Variants in PICALM observed in about 807,000 individuals in gnomAD.
The protein encoded by PICALM is phosphatidylinositol binding clathrin assembly protein.
In PICALM, 40 loss-of-function variants were observed where a neutral mutation model predicts 80.5. That is an observed-to-expected ratio of 0.50 (90% CI 0.39 to 0.65). PICALM has a LOEUF of 0.65. Ranked by LOEUF, PICALM falls within the 30% of genes least tolerant of loss-of-function variation. The pLI is 0.00. For synonymous variants in PICALM, 288 were observed against 260.3 expected, an observed-to-expected ratio of 1.11 and a Z score of -1.02; for missense variants, 676 against 778.9, an observed-to-expected ratio of 0.87 and a Z score of 1.57.
intron 2 of PICALM, among the ~76,000 whole-genome samples, chr11:86,031,023 T>A (rs1218894912): frequency 6.6e-6 from 1 of 152,026 alleles, no homozygotes; most frequent in Non-Finnish European, 1.5e-5. Context: ...GAGGCTGAGG[T>A]GGGAAGGTCC....
At chr11:85,973,865 G>A (rs2094188435) in intron 19 of PICALM, among the ~76,000 whole-genome samples, 1 of 150,452 alleles carries the variant, frequency 6.6e-6, no homozygotes, top group African/African-American at 2.5e-5. Context: ...AAAAGGAGGG[G>A]TGTTCTAACA....
chr11:86,035,947 C>CAAAAAAAAA (rs543040504), intron 1 of PICALM, among the ~76,000 whole-genome samples: 8 of 66,456 alleles, frequency 1.2e-4, no homozygotes, highest in Non-Finnish European at 1.7e-4. Context: ...GACTCTGCCT[C>CAAAAAAAAA]AAAAAAAAAA....
intron 14 of PICALM, among the ~76,000 whole-genome samples, chr11:85,982,399 C>T (rs1232953368): frequency 7.7e-6 from 1 of 130,030 alleles, no homozygotes; most frequent in South Asian, 2.4e-4. Context: ...GTTCCTTTTA[C>T]GTTAAGAAAT....
Position 85,982,003 on chromosome 11 carries a change from C to G in PICALM, c.1517G>C (p.Gly506Ala), listed in dbSNP as rs776160429. The G allele has an allele frequency of 1.9e-6, 3 of 1,613,148 alleles. No individual in the cohort carries two copies. The highest frequency in any genetic ancestry group is 2.5e-6 in the Non-Finnish European group (3 of 1,179,192). ...GAGAAGTCCACCTAGTTCATCAAAG[C>G]CTTAAAGTTACAAACAGACGAAATA... Reference protein sequence around the residue: ...KSTNVIVDSGGFDELGGLLKP... With the variant: ...KSTNVIVDSGAFDELGGLLKP... Residue 506 changes from glycine (G) to alanine (A), a missense_variant and splice_region_variant, in exon 15 of 20, where the codon GGC becomes GCC. Coordinates refer to ENST00000393346, the MANE Select transcript of PICALM (RefSeq NM_007166.4).
At chr11:86,003,557 T>A (rs2095203094) in intron 8 of PICALM, 106 bp from the exon 9 acceptor site, 3 of 554,500 alleles carry the variant, frequency 5.4e-6, no homozygotes, top group Non-Finnish European at 9.2e-6. Context: ...GGTATGTTCT[T>A]CATGTACTAA....
chr11:85,987,778 T>C (rs115394376), intron 13 of PICALM, among the ~76,000 whole-genome samples: 243 of 152,348 alleles, frequency 1.6e-3, no homozygotes, highest in African/African-American at 5.5e-3. Flanking sequence ...GCTCCCGAGA[T>C]GGTTTTTAGT....
rs76315894 is a variant in PICALM at position 86,027,536 on chromosome 11, C to T, written c.274-1169G>A. Among the ~76,000 whole-genome samples the T allele has an allele frequency of 4.0e-5, 6 of 148,920 alleles. No homozygotes were observed. The East Asian group carries it at 1.2e-3, about 29-fold the overall frequency. Reference sequence around the variant, plus strand: ...TTTTTGAGACAGGGTCTCGCTCTGTCATCCAGGCTGGAGTACAGTGGTGTG... The same window carrying T: ...TTTTTGAGACAGGGTCTCGCTCTGTTATCCAGGCTGGAGTACAGTGGTGTG... On this transcript the variant is annotated intron_variant, in intron 2 of 19. Coordinates refer to ENST00000393346, the MANE Select transcript of PICALM (RefSeq NM_007166.4).
intron 1 of PICALM, among the ~76,000 whole-genome samples, chr11:86,033,434 A>T (rs937853668): frequency 6.6e-6 from 1 of 151,734 alleles, no homozygotes; most frequent in Non-Finnish European, 1.5e-5. Context: ...CTCTTATCTC[A>T]GGTGTTTGGT....
At chr11:86,033,174 G>A (rs941260397) in intron 1 of PICALM, among the ~76,000 whole-genome samples, 1 of 152,076 alleles carries the variant, frequency 6.6e-6, no homozygotes, top group Non-Finnish European at 1.5e-5. Flanking sequence ...CTGGCCTATG[G>A]CACTGAACAT....
chr11:85,995,154 T>C (rs926426803), intron 12 of PICALM, among the ~76,000 whole-genome samples: 1 of 152,190 alleles, frequency 6.6e-6, no homozygotes, highest in Non-Finnish European at 1.5e-5. Context: ...CTCTTCAGTA[T>C]CATGCAGAAG....
Position 85,976,605 on chromosome 11 carries a change from A to T in PICALM, c.1839+18T>A, listed in dbSNP as rs1370453570. 2 of 1,505,106 alleles carry T rather than the reference A, an allele frequency of 1.3e-6. No homozygotes were observed. The highest frequency in any genetic ancestry group is 1.4e-5 in the African/African-American group (1 of 72,794). 93.2% of individuals were successfully genotyped at this position (1,505,106 alleles called of 1,614,324 possible). A position where few individuals can be genotyped will look rare whatever the true frequency, so the allele number is the denominator to read the frequency against. Reference sequence around the variant, plus strand: ...AATCAATATTTTTTCCAAAAGCTGTACCTAGGAAAATACTTACAATTCCAT... The same window carrying T: ...AATCAATATTTTTTCCAAAAGCTGTTCCTAGGAAAATACTTACAATTCCAT... On this transcript the variant is annotated intron_variant, in intron 18 of 19. Coordinates refer to ENST00000393346, the MANE Select transcript of PICALM (RefSeq NM_007166.4).
chr11:86,054,198 C>T (rs191197586), intron 1 of PICALM, among the ~76,000 whole-genome samples: 1 of 152,274 alleles, frequency 6.6e-6, no homozygotes, highest in East Asian at 1.9e-4. Context: ...TTTTGGGTGG[C>T]AAGGTATATT....
At chr11:85,969,726 C>A in intron 19 of PICALM, 2 of 358,202 alleles carry the variant, frequency 5.6e-6, no homozygotes, top group Admixed American at 3.3e-5. Flanking sequence ...ACTATGTTGC[C>A]CAGGTTGGTC....
chr11:86,031,398 T>C, intron 2 of PICALM, 71 bp downstream of exon 2: 1 of 1,251,114 alleles, frequency 8.0e-7, no homozygotes, highest in Non-Finnish European at 1.1e-6. Flanking sequence ...GTTTCTGAAG[T>C]TTCAGTGAGA....
chr11:85,962,891 A>G (rs2093736958), intron 19 of PICALM, among the ~76,000 whole-genome samples: 1 of 152,170 alleles, frequency 6.6e-6, no homozygotes, highest in African/African-American at 2.4e-5. Context: ...CCTGGCATCT[A>G]TTCCAAAGCA....
intron 13 of PICALM, among the ~76,000 whole-genome samples, chr11:85,989,051 G>A (rs2094679329): frequency 6.6e-6 from 1 of 152,132 alleles, no homozygotes; most frequent in Non-Finnish European, 1.5e-5. Context: ...AAGCTTCAAT[G>A]AGGACAAGCT....
At chr11:86,056,325 A>G (rs1048155396) in intron 1 of PICALM, among the ~76,000 whole-genome samples, 1 of 149,960 alleles carries the variant, frequency 6.7e-6, no homozygotes, top group Non-Finnish European at 1.5e-5. Context: ...ATACATAAAG[A>G]TCAAATTTTA....
At chr11:86,001,679 T>C (rs1237502003) in intron 9 of PICALM, among the ~76,000 whole-genome samples, 1 of 152,218 alleles carries the variant, frequency 6.6e-6, no homozygotes, top group Non-Finnish European at 1.5e-5. Flanking sequence ...AGAAGACTGG[T>C]TTCAATCTAG....
rs148835521 is a variant in PICALM at position 86,015,571 on chromosome 11, A to G, written c.453-608T>C. ...TTCAATGGACAGCCTTTAATAAAATAGTCTGTTAAATATTTCCAAACAGAT... is the reference window on the plus strand; with the variant it reads ...TTCAATGGACAGCCTTTAATAAAATGGTCTGTTAAATATTTCCAAACAGAT... On this transcript the variant is annotated intron_variant, in intron 4 of 19. Transcript: ENST00000393346. Among the ~76,000 whole-genome samples the G allele has an allele frequency of 2.3e-3, 353 of 152,364 alleles. 2 individuals are homozygous for G. The highest frequency in any genetic ancestry group is 8.2e-3 in the African/African-American group (339 of 41,580).
Sources: allele counts gnomAD v4.1 joint callset (sites outside exome capture counted in the v4.1 genomes callset), GRCh38; gene constraint gnomAD v4.1.1; transcripts MANE v1.5; gene names NCBI Gene and HGNC (gene_info 2026-07-23, HGNC 2026-07-21).